ELOVL6: variants seen among roughly 807,000 people sequenced by gnomAD.
The protein encoded by ELOVL6 is ELOVL fatty acid elongase 6, also known as very long chain fatty acid elongase 6.
Under a neutral mutation model 31.7 loss-of-function variants are expected in ELOVL6, and 8 were observed. That is an observed-to-expected ratio of 0.25 (90% CI 0.15 to 0.45). The LOEUF (loss-of-function observed/expected upper bound fraction) is 0.45, where lower values mean the gene tolerates loss of function less well. Among genes scored for constraint, ELOVL6 ranks in the 20% least tolerant of loss-of-function variants. The pLI is 1.00. For missense variants in ELOVL6, 126 were observed against 326.4 expected, an observed-to-expected ratio of 0.39 and a Z score of 4.73; for synonymous variants, 101 against 117.7, an observed-to-expected ratio of 0.86 and a Z score of 0.92.
chr4:110,119,029 C>T (rs2126252880), intron 1 of ELOVL6, among the ~76,000 whole-genome samples: 1 of 152,014 alleles, frequency 6.6e-6, no homozygotes, highest in East Asian at 1.9e-4. Flanking sequence ...ATGCCACTGC[C>T]CTCCAGCCTG....
chr4:110,058,006 C>T (rs1755041997), intron 3 of ELOVL6, among the ~76,000 whole-genome samples: 1 of 152,090 alleles, frequency 6.6e-6, no homozygotes, highest in East Asian at 1.9e-4. Flanking sequence ...TTTTAAAATT[C>T]CCAGAAATAC....
intron 1 of ELOVL6, among the ~76,000 whole-genome samples, chr4:110,158,655 A>ATTTTTTT (rs1365076499): frequency 3.9e-5 from 3 of 76,200 alleles, no homozygotes; most frequent in African/African-American, 1.6e-4. Flanking sequence ...ATATATATAT[A>ATTTTTTT]TATTTTTTTT....
intron 2 of ELOVL6, among the ~76,000 whole-genome samples, chr4:110,086,136 C>T (rs1756256443): frequency 1.3e-5 from 2 of 152,150 alleles, no homozygotes; most frequent in African/African-American, 4.8e-5. Context: ...CCTATCTAAT[C>T]GAAGCCACTA....
chr4:110,137,059 A>G (rs868499332), intron 1 of ELOVL6, among the ~76,000 whole-genome samples: 2 of 152,184 alleles, frequency 1.3e-5, no homozygotes, highest in Admixed American at 6.5e-5. Flanking sequence ...ACCTTCAGAA[A>G]TTTTATAATC....
chr4:110,182,473 G>C (rs1464658245), intron 1 of ELOVL6, among the ~76,000 whole-genome samples: 1 of 152,096 alleles, frequency 6.6e-6, no homozygotes, highest in Non-Finnish European at 1.5e-5. Flanking sequence ...ACCAGGTATT[G>C]TACATACATC....
Position 110,062,510 on chromosome 4 carries a change from C to G in ELOVL6, c.222-2756G>C, listed in dbSNP as rs377451718. On this transcript the variant is annotated intron_variant, in intron 2 of 3. Coordinates refer to ENST00000302274, the MANE Select transcript of ELOVL6 (RefSeq NM_024090.3). ...CCTCGCACATTTCATCCTCTGCACGCTTTGGAACCAGGTGGTTTTTATCAC... is the reference window on the plus strand; with the variant it reads ...CCTCGCACATTTCATCCTCTGCACGGTTTGGAACCAGGTGGTTTTTATCAC... Among the ~76,000 whole-genome samples the G allele has an allele frequency of 3.3e-5, 5 of 152,212 alleles. No homozygotes were observed. The East Asian group carries it at 5.8e-4, about 18-fold the overall frequency.
In ELOVL6 at chr4:110,075,724, T is replaced by C. The variant is rs181129223; in HGVS notation, c.222-15970A>G. ...ATGTAACACTACTGAACTATACACA[T>C]AAAATGGTTAAGAGGATAAATCTTG... is the stretch of plus-strand genomic sequence containing the variant. On this transcript the variant is annotated intron_variant, in intron 2 of 3. Transcript: ENST00000302274. Among the ~76,000 whole-genome samples the C allele has an allele frequency of 1.6e-4, 24 of 152,304 alleles. No individual in the cohort carries two copies. The East Asian group carries it at 4.6e-3, about 29-fold the overall frequency.
chr4:110,141,107 A>G (rs370739028), intron 1 of ELOVL6, among the ~76,000 whole-genome samples: 1 of 152,094 alleles, frequency 6.6e-6, no homozygotes, highest in Non-Finnish European at 1.5e-5. Flanking sequence ...CTTGTTGCCC[A>G]GGCTGGAGTG....
At position 110,049,826 on chromosome 4, in the gene ELOVL6, A is replaced by G. The variant is rs563330505; in HGVS notation, c.*1512T>C. 2 of 152,042 alleles carry G rather than the reference A, an allele frequency of 1.3e-5. No homozygotes were observed. Among genetic ancestry groups the G allele is most frequent in the East Asian group, 3.9e-4 (2 of 5,174 alleles). 9.4% of individuals were successfully genotyped at this position (152,042 alleles called of 1,614,324 possible). A position where few individuals can be genotyped will look rare whatever the true frequency, so the allele number is the denominator to read the frequency against. ...CATAATTGCTTCTTTGAAATACTAGAAACATTGACACATGTATTTGGCTTG... is the reference window on the plus strand; with the variant it reads ...CATAATTGCTTCTTTGAAATACTAGGAACATTGACACATGTATTTGGCTTG... On this transcript the variant is annotated 3_prime_UTR_variant, in exon 4 of 4. Transcript: ENST00000302274.
intron 1 of ELOVL6, among the ~76,000 whole-genome samples, chr4:110,182,378 C>T (rs1759302342): frequency 6.6e-6 from 1 of 152,156 alleles, no homozygotes; most frequent in Non-Finnish European, 1.5e-5. Flanking sequence ...TCAATGTCCT[C>T]ACAAACTGTC....
At chr4:110,190,079 C>T (rs969988319) in intron 1 of ELOVL6, among the ~76,000 whole-genome samples, 1 of 151,718 alleles carries the variant, frequency 6.6e-6, no homozygotes, top group Admixed American at 6.6e-5. Flanking sequence ...ACTAGGAACT[C>T]TTCTATAAAA....
At chr4:110,115,722 G>A (rs1757151826) in intron 1 of ELOVL6, among the ~76,000 whole-genome samples, 1 of 152,122 alleles carries the variant, frequency 6.6e-6, no homozygotes, top group Non-Finnish European at 1.5e-5. Context: ...TCCGATAATG[G>A]GGACAGCTAC....
In ELOVL6 at chr4:110,176,991, T is replaced by C. The variant is rs551090649; in HGVS notation, c.89+21256A>G. ...CTCAGGTGGTCTGCCTGCCTCGGCC[T>C]CCCAAAGTGCGAGATTACAGGCGTG... On this transcript the variant is annotated intron_variant, in intron 1 of 3. Transcript: ENST00000302274. Among the ~76,000 whole-genome samples, 9 of 152,342 alleles carry C rather than the reference T, an allele frequency of 5.9e-5. No individual in the cohort carries two copies. The South Asian group carries it at 1.9e-3, about 32-fold the overall frequency.
rs1754711086 is a variant in ELOVL6 at position 110,046,973 on chromosome 4, GA to G, written c.*4364del. 1 of 152,164 alleles carries G rather than the reference GA, an allele frequency of 6.6e-6. No individual in the cohort carries two copies. Among genetic ancestry groups the G allele is most frequent in the Admixed American group, 6.5e-5 (1 of 15,268 alleles). 9.4% of individuals were successfully genotyped at this position (152,164 alleles called of 1,614,324 possible). A position where few individuals can be genotyped will look rare whatever the true frequency, so the allele number is the denominator to read the frequency against. ...GGCACAAAGAATCAGGTGTTGTATA[GA>G]AAAGACAAAGAACGATGTTTCAAAA... On this transcript the variant is annotated 3_prime_UTR_variant, in exon 4 of 4. Coordinates refer to ENST00000302274, the MANE Select transcript of ELOVL6 (RefSeq NM_024090.3).
chr4:110,093,735 C>T (rs975663018), intron 2 of ELOVL6, among the ~76,000 whole-genome samples: 1 of 152,076 alleles, frequency 6.6e-6, no homozygotes, highest in Non-Finnish European at 1.5e-5. Context: ...AAAATCACTG[C>T]CCTCATGGAA....
At chr4:110,120,882 C>A (rs562127153) in intron 1 of ELOVL6, among the ~76,000 whole-genome samples, 2 of 148,350 alleles carry the variant, frequency 1.3e-5, no homozygotes, top group Admixed American at 6.9e-5. Context: ...CTCACTGCAA[C>A]CTCTGCCTCC....
At chr4:110,076,047 G>A (rs1017659886) in intron 2 of ELOVL6, among the ~76,000 whole-genome samples, 29 of 152,292 alleles carry the variant, frequency 1.9e-4, no homozygotes, top group African/African-American at 6.7e-4. Context: ...TAGTGATGTT[G>A]CATTGTAGTA....
intron 2 of ELOVL6, among the ~76,000 whole-genome samples, chr4:110,072,274 G>A (rs1211389599): frequency 2.6e-5 from 4 of 152,090 alleles, no homozygotes; most frequent in Non-Finnish European, 5.9e-5. Context: ...TCAAGAGATC[G>A]AGACCATCCT....
At chr4:110,157,095 C>T (rs187413091) in intron 1 of ELOVL6, among the ~76,000 whole-genome samples, 2 of 152,248 alleles carry the variant, frequency 1.3e-5, no homozygotes, top group East Asian at 1.9e-4. Flanking sequence ...CCATCTGGGT[C>T]ACTGCCCATT....
Sources: gnomAD v4.1 joint callset for allele counts (sites outside exome capture counted in the v4.1 genomes callset) on GRCh38, gnomAD v4.1.1 for gene constraint, MANE v1.5 for transcripts, NCBI Gene and HGNC (gene_info 2026-07-23, HGNC 2026-07-21) for gene names.